SLC16A14: variants seen among roughly 807,000 people sequenced by gnomAD.
The protein encoded by SLC16A14 is solute carrier family 16 member 14.
In SLC16A14, 14 loss-of-function variants were observed where a neutral mutation model predicts 35.8. The ratio of observed to expected loss-of-function variants is 0.39; its 90% CI spans 0.26 to 0.61. The LOEUF (loss-of-function observed/expected upper bound fraction) is 0.61. Among genes scored for constraint, SLC16A14 ranks in the 20% least tolerant of loss-of-function variants. SLC16A14 has a pLI of 0.51. For synonymous variants in SLC16A14, 248 were observed against 258.9 expected (o/e 0.96, Z 0.40); for missense variants, 533 against 655.0 (o/e 0.81, Z 2.03).
At chr2:230,052,636 G>A (rs10173359) in intron 2 of SLC16A14, among the ~76,000 whole-genome samples, 7,579 of 151,294 alleles carry the variant, frequency 0.05, 655 homozygotes, top group African/African-American at 0.17. Flanking sequence ...AAAAAAGGGA[G>A]AAAATTCCAA....
At chr2:230,064,283 CTTGT>C (rs1177954857) in intron 1 of SLC16A14, among the ~76,000 whole-genome samples, 2 of 145,026 alleles carry the variant, frequency 1.4e-5, no homozygotes, top group East Asian at 3.9e-4. Context: ...GGGTTTCAGC[CTTGT>C]CTGTGTGTGT....
intron 3 of SLC16A14, among the ~76,000 whole-genome samples, chr2:230,048,805 C>G (rs2077629920): frequency 6.6e-6 from 1 of 151,160 alleles, no homozygotes; most frequent in South Asian, 2.1e-4. Flanking sequence ...TGCCTGTAAT[C>G]CCAGCTACTT....
rs1293620072 is a variant in SLC16A14, at chr2:230,037,353, G to A, written c.*27C>T. 1 of 1,556,696 alleles carries A rather than the reference G, an allele frequency of 6.4e-7. No homozygotes were observed. Among genetic ancestry groups the A allele is most frequent in the Non-Finnish European group, 8.7e-7 (1 of 1,155,250 alleles). On this transcript the variant is annotated 3_prime_UTR_variant, in exon 5 of 5. Transcript: ENST00000295190. ...GCGAGGTAGGCATGAGTATTACAAT[G>A]AAACCTACACGGAACATTACATGAT...
intron 1 of SLC16A14, among the ~76,000 whole-genome samples, chr2:230,066,217 T>C (rs138084284): frequency 0.016 from 2,491 of 152,076 alleles, 74 homozygotes; most frequent in African/African-American, 0.057. Flanking sequence ...GGCAGCAGAA[T>C]TGCTTGAACC....
At chr2:230,062,548 C>A (rs543677373) in intron 1 of SLC16A14, among the ~76,000 whole-genome samples, 1 of 152,058 alleles carries the variant, frequency 6.6e-6, no homozygotes, top group Admixed American at 6.6e-5. Flanking sequence ...GGACTTTCAC[C>A]GTGCTGCCCA....
At chr2:230,047,012 CCAGG>C (rs984749457) in intron 3 of SLC16A14, among the ~76,000 whole-genome samples, 1 of 152,250 alleles carries the variant, frequency 6.6e-6, no homozygotes, top group African/African-American at 2.4e-5. Flanking sequence ...AATAGAAGCT[CCAGG>C]CAGGCAGGCA....
At chr2:230,040,373 C>T (rs1294703542) in intron 4 of SLC16A14, among the ~76,000 whole-genome samples, 1 of 152,062 alleles carries the variant, frequency 6.6e-6, no homozygotes, top group African/African-American at 2.4e-5. Context: ...GCGGCATGCG[C>T]CACCACACCT....
chr2:230,044,736 G>GTGTGTGTGTGTGTGTGTGTGTGTA (rs575463088), intron 4 of SLC16A14, among the ~76,000 whole-genome samples: 1 of 107,034 alleles, frequency 9.3e-6, no homozygotes, highest in Non-Finnish European at 2.1e-5. Flanking sequence ...GTGTGTGTGT[G>GTGTGTGTGTGTGTGTGTGTGTGTA]TATGTGTGTG....
At chr2:230,063,163 T>C (rs1451226735) in intron 1 of SLC16A14, among the ~76,000 whole-genome samples, 6 of 151,930 alleles carry the variant, frequency 3.9e-5, no homozygotes, top group Non-Finnish European at 5.9e-5. Flanking sequence ...GGCAGGTGCC[T>C]AAAATCCCAG....
At chr2:230,052,911 C>G (rs549638133) in intron 2 of SLC16A14, among the ~76,000 whole-genome samples, 8 of 150,486 alleles carry the variant, frequency 5.3e-5, no homozygotes, top group Non-Finnish European at 7.4e-5. Flanking sequence ...TCCCTCCTCC[C>G]CCCCTTCCTT....
chr2:230,037,624 T>C, intron 4 of SLC16A14, 93 bp from the exon 5 acceptor site: 1 of 991,312 alleles, frequency 1.0e-6, no homozygotes, highest in Non-Finnish European at 1.5e-6. Flanking sequence ...CTGTACATGT[T>C]TCTACAAGAA....
intron 2 of SLC16A14, chr2:230,058,425 G>A (rs2106272952): frequency 6.6e-6 from 1 of 152,218 alleles, no homozygotes; most frequent in East Asian, 1.9e-4. Flanking sequence ...TCACTTACAT[G>A]AGGTACCTAG....
chr2:230,052,704 T>G (rs1026952124), intron 2 of SLC16A14, among the ~76,000 whole-genome samples: 3 of 152,162 alleles, frequency 2.0e-5, no homozygotes, highest in Non-Finnish European at 4.4e-5. Context: ...AGTATAACTA[T>G]TTAACTGCTA....
rs2077819792 is a variant in SLC16A14, at chr2:230,068,349, C to T, written c.-15+206G>A. ...CCTGCCCGCCCGCAGCTCCCAAGCCCCCGCGGCGGCCTTGGCACTACCACC... is the reference window on the plus strand; with the variant it reads ...CCTGCCCGCCCGCAGCTCCCAAGCCTCCGCGGCGGCCTTGGCACTACCACC... On this transcript the variant is annotated intron_variant, in intron 1 of 4. Transcript: ENST00000295190. This position sits in a 1 kb window ranked among gnomAD's most constrained non-coding sequence, Gnocchi z 5.1. 1.3e-5 allele frequency: 2 copies of T among 152,504 alleles called. No individual in the cohort carries two copies. The highest frequency in any genetic ancestry group is 2.1e-4 in the South Asian group (1 of 4,840). The allele number at this position is 152,504 out of a possible 1,614,324, so 9.4% of individuals were successfully genotyped here.
At position 230,068,292 on chromosome 2, in the gene SLC16A14, C is replaced by T. The variant is rs1302792129; in HGVS notation, c.-15+263G>A. On this transcript the variant is annotated intron_variant, in intron 1 of 4. Transcript: ENST00000295190. The surrounding 1 kb of genome is among the most constrained non-coding windows in gnomAD (Gnocchi z 5.1). ...CAGCAAGGCGCGCGTCCCCAAGCTC[C>T]GCCTGGCGGTCTGCCCTGAACCGCC... 3.9e-5 allele frequency: 6 copies of T among 152,306 alleles called. No individual in the cohort carries two copies. Among genetic ancestry groups the T allele is most frequent in the African/African-American group, 1.4e-4 (6 of 41,476 alleles). 9.4% of individuals were successfully genotyped at this position (152,306 alleles called of 1,614,324 possible).
intron 2 of SLC16A14, among the ~76,000 whole-genome samples, chr2:230,057,890 G>C (rs539752970): frequency 6.6e-6 from 1 of 152,082 alleles, no homozygotes; most frequent in South Asian, 2.1e-4. Flanking sequence ...TTAGCCGGGC[G>C]TGGTAGTGGG....
intron 1 of SLC16A14, chr2:230,066,638 A>ATTTTTTT (rs10626276): frequency 1.1e-5 from 4 of 378,064 alleles, no homozygotes; most frequent in African/African-American, 6.8e-5. Context: ...CAAGCAAGTC[A>ATTTTTTT]TTTTTTTTTT....
rs2077510470 is a variant in SLC16A14, at chr2:230,035,031, G to C, written c.*2349C>G. On this transcript the variant is annotated 3_prime_UTR_variant, in exon 5 of 5. Transcript: ENST00000295190. ...GTTGTATGTAAATAAAAATTACTTG[G>C]ATACATGAGGGGAAAACGATAAAGC... The C allele has an allele frequency of 6.6e-6, 1 of 152,126 alleles. No individual in the cohort carries two copies. The highest frequency in any genetic ancestry group is 1.5e-5 in the Non-Finnish European group (1 of 68,018). The allele number at this position is 152,126 out of a possible 1,614,324, so 9.4% of individuals were successfully genotyped here.
In SLC16A14 at chr2:230,068,250, G is replaced by A. The variant is rs55706521; in HGVS notation, c.-15+305C>T. 32,180 of 152,336 alleles carry A rather than the reference G, an allele frequency of 0.21. 4,244 individuals carry two copies. The highest frequency in any genetic ancestry group is 0.34 in the South Asian group (1,644 of 4,826). 9.4% of individuals were successfully genotyped at this position (152,336 alleles called of 1,614,324 possible). A position where few individuals can be genotyped will look rare whatever the true frequency, so the allele number is the denominator to read the frequency against. On this transcript the variant is annotated intron_variant, in intron 1 of 4. Transcript: ENST00000295190. The surrounding 1 kb of genome is among the most constrained non-coding windows in gnomAD (Gnocchi z 5.1). ...GGGTGCCCAGGATGACGCTCGCGGG[G>A]CCCCGGCCAGCTTGAGCAGCAAGGC... is the stretch of plus-strand genomic sequence containing the variant.
Sources: gnomAD v4.1 joint callset for allele counts (sites outside exome capture counted in the v4.1 genomes callset) on GRCh38, gnomAD v4.1.1 for gene constraint, Gnocchi (gnomAD v3.1) non-coding constraint, MANE v1.5 for transcripts, NCBI Gene and HGNC (gene_info 2026-07-23, HGNC 2026-07-21) for gene names.